The following INPP5A variants were observed in gnomAD, a reference collection of about 807,000 sequenced individuals.
INPP5A encodes 43 kDa inositol polyphosphate 5-phophatase.
Under a neutral mutation model 65.2 loss-of-function variants are expected in INPP5A, and 14 were observed. The observed-to-expected ratio is 0.21, with a 90% confidence interval of 0.14 to 0.34. The LOEUF (loss-of-function observed/expected upper bound fraction) is 0.34, where lower values mean the gene tolerates loss of function less well. INPP5A is among the 10% of genes least tolerant of loss of function. The pLI, the probability that INPP5A is intolerant of heterozygous loss-of-function variation, is 1.00. For synonymous variants in INPP5A, 207 were observed against 208.3 expected (o/e 0.99, Z 0.05); for missense variants, 431 against 545.6 (o/e 0.79, Z 2.09).
chr10:132,756,643 GCAA>G (rs1355487326), intron 11 of INPP5A, among the ~76,000 whole-genome samples: 4 of 152,086 alleles, frequency 2.6e-5, no homozygotes, highest in South Asian at 4.1e-4. Flanking sequence ...GTACTTCAGA[GCAA>G]CAACAAACAA....
At chr10:132,724,793 C>T (rs775358646) in intron 8 of INPP5A, among the ~76,000 whole-genome samples, 1 of 145,986 alleles carries the variant, frequency 6.8e-6, no homozygotes, top group Admixed American at 6.8e-5. Context: ...GGTCACTCTC[C>T]AGAACTCACG....
At chr10:132,701,983 G>C (rs1397880706) in intron 6 of INPP5A, among the ~76,000 whole-genome samples, 1 of 152,238 alleles carries the variant, frequency 6.6e-6, no homozygotes, top group African/African-American at 2.4e-5. Context: ...CCCTCTGTGA[G>C]GACTCTCCCT....
rs1276760203 is a variant in INPP5A at position 132,707,534 on chromosome 10, A to G, written c.475-779A>G. On this transcript the variant is annotated intron_variant, in intron 6 of 15. Transcript: ENST00000368594. This position sits in a 1 kb window ranked among gnomAD's most constrained non-coding sequence, Gnocchi z 5.5. ...TCAGTTCTTCAGTCATACACTTTGC[A>G]CGCTCGGTGGCCCCGGTGGCTGGCC... is the stretch of plus-strand genomic sequence containing the variant. Among the ~76,000 whole-genome samples, 3 of 151,568 alleles carry G rather than the reference A, an allele frequency of 2.0e-5. No homozygotes were observed. The highest frequency in any genetic ancestry group is 4.4e-5 in the Non-Finnish European group (3 of 68,022).
chr10:132,600,954 G>A (rs2071768939), intron 1 of INPP5A, among the ~76,000 whole-genome samples: 1 of 152,186 alleles, frequency 6.6e-6, no homozygotes, highest in Non-Finnish European at 1.5e-5. Flanking sequence ...TACAATTCAA[G>A]TTGAGATTTG....
At chr10:132,624,947 G>A (rs1356997625) in intron 2 of INPP5A, among the ~76,000 whole-genome samples, 4 of 151,494 alleles carry the variant, frequency 2.6e-5, no homozygotes, top group African/African-American at 9.7e-5. Context: ...GTGCTGCCCC[G>A]CCACCCTCAG....
intron 4 of INPP5A, among the ~76,000 whole-genome samples, chr10:132,671,370 C>G (rs1386131624): frequency 1.4e-4 from 21 of 149,690 alleles, no homozygotes; most frequent in Admixed American, 1.4e-3. Flanking sequence ...TCCGCCCTCC[C>G]TGCTTCGGAC....
intron 4 of INPP5A, among the ~76,000 whole-genome samples, chr10:132,658,639 C>T (rs1442824907): frequency 6.6e-6 from 1 of 152,136 alleles, no homozygotes. Flanking sequence ...AGTCCGCCGG[C>T]CCCCCGGGGG....
At chr10:132,771,576 C>T (rs915875177) in intron 12 of INPP5A, among the ~76,000 whole-genome samples, 2 of 152,250 alleles carry the variant, frequency 1.3e-5, no homozygotes, top group Non-Finnish European at 2.9e-5. Flanking sequence ...CCAGAACTGC[C>T]CAAAACTTGG....
rs1035683745 is a variant in INPP5A at position 132,765,899 on chromosome 10, A to C, written c.977+53A>C. On this transcript the variant is annotated intron_variant, in intron 12 of 15. Coordinates refer to ENST00000368594, the MANE Select transcript of INPP5A (RefSeq NM_005539.5). Reference sequence around the variant, plus strand: ...ACCCGGCCGGGAAGGTGGCGTCTCCACCCTCCCAGTCTCTGGTGCATCTGC... The same window carrying C: ...ACCCGGCCGGGAAGGTGGCGTCTCCCCCCTCCCAGTCTCTGGTGCATCTGC... 56 of 1,026,850 alleles carry C rather than the reference A, an allele frequency of 5.5e-5. No individual in the cohort carries two copies. The South Asian group carries it at 6.1e-4, about 11-fold the overall frequency. The allele number at this position is 1,026,850 out of a possible 1,614,324, so 63.6% of individuals were successfully genotyped here.
intron 9 of INPP5A, among the ~76,000 whole-genome samples, chr10:132,739,742 G>A (rs1846240826): frequency 6.6e-6 from 1 of 152,344 alleles, no homozygotes; most frequent in Non-Finnish European, 1.5e-5. Flanking sequence ...GATGACGTGT[G>A]CTGTTTCCAT....
intron 8 of INPP5A, among the ~76,000 whole-genome samples, chr10:132,717,050 C>T (rs1237375393): frequency 6.6e-6 from 1 of 152,238 alleles, no homozygotes; most frequent in Non-Finnish European, 1.5e-5. Context: ...CCCCGCCCAC[C>T]GCAACACAAC....
chr10:132,565,643 ATGTGTATG>A (rs2071263387), intron 1 of INPP5A, among the ~76,000 whole-genome samples: 2 of 151,154 alleles, frequency 1.3e-5, no homozygotes, highest in Admixed American at 6.6e-5. Flanking sequence ...ATGTATGTAT[ATGTGTATG>A]TGTGTATGTG....
intron 3 of INPP5A, among the ~76,000 whole-genome samples, chr10:132,648,435 A>G (rs1006650859): frequency 2.0e-5 from 3 of 152,208 alleles, no homozygotes; most frequent in Non-Finnish European, 4.4e-5. Context: ...CGTGAGAGAA[A>G]CGCCCTTGGT....
intron 4 of INPP5A, among the ~76,000 whole-genome samples, chr10:132,655,050 C>T (rs1018074793): frequency 2.6e-5 from 4 of 152,232 alleles, no homozygotes; most frequent in Non-Finnish European, 5.9e-5. Flanking sequence ...GGACATGCAC[C>T]GACTCCGCCA....
At position 132,707,325 on chromosome 10, in the gene INPP5A, C is replaced by T. The variant is rs1278101215; in HGVS notation, c.475-988C>T. On this transcript the variant is annotated intron_variant, in intron 6 of 15. Transcript: ENST00000368594. The surrounding 1 kb of genome is among the most constrained non-coding windows in gnomAD (Gnocchi z 5.5). ...AATGGGCGGTGCCCTGCCCTGTTGG[C>T]TGCCGTTCCCCCGCCACTGCCTGAA... is the stretch of plus-strand genomic sequence containing the variant. Among the ~76,000 whole-genome samples, 1 of 150,516 alleles carries T rather than the reference C, an allele frequency of 6.6e-6. No homozygotes were observed. Among genetic ancestry groups the T allele is most frequent in the Non-Finnish European group, 1.5e-5 (1 of 67,638 alleles).
At chr10:132,720,070 G>C (rs1227124147) in intron 8 of INPP5A, among the ~76,000 whole-genome samples, 1 of 148,300 alleles carries the variant, frequency 6.7e-6, no homozygotes, top group Non-Finnish European at 1.5e-5. Flanking sequence ...CCTGGGTTCT[G>C]TCTGGGCGCC....
rs1462984301 is a variant in INPP5A at position 132,753,957 on chromosome 10, A to G, written c.903+4112A>G. On this transcript the variant is annotated intron_variant, in intron 11 of 15. Coordinates refer to ENST00000368594, the MANE Select transcript of INPP5A (RefSeq NM_005539.5). The surrounding 1 kb of genome is among the most constrained non-coding windows in gnomAD (Gnocchi z 5.3). The stretch of plus-strand genomic sequence containing the variant: ...TTGTGAAAAATCTCAGAGAGATACA[A>G]ATTATCAATTCAACAGCAACGTGCG... 6.6e-6 allele frequency: 1 copy of G among 152,218 alleles called. No individual in the cohort carries two copies. The highest frequency in any genetic ancestry group is 2.4e-5 in the African/African-American group (1 of 41,440). The allele number at this position is 152,218 out of a possible 1,614,324, so 9.4% of individuals were successfully genotyped here.
intron 14 of INPP5A, 127 bp from the exon 15 acceptor site, chr10:132,781,734 C>T (rs1036954055): frequency 3.9e-6 from 3 of 776,806 alleles, no homozygotes; most frequent in African/African-American, 3.4e-5. Context: ...TGGCCATCAG[C>T]TCCTCCCAGC....
At chr10:132,687,909 C>T (rs1384120675) in intron 4 of INPP5A, among the ~76,000 whole-genome samples, 1 of 152,242 alleles carries the variant, frequency 6.6e-6, no homozygotes, top group African/African-American at 2.4e-5. Flanking sequence ...GCCGGCCTCT[C>T]TTTTTAGGAG....
Sources: gnomAD v4.1 joint callset for allele counts (sites outside exome capture counted in the v4.1 genomes callset) on GRCh38, gnomAD v4.1.1 for gene constraint, Gnocchi (gnomAD v3.1) non-coding constraint, MANE v1.5 for transcripts, NCBI Gene and HGNC (gene_info 2026-07-23, HGNC 2026-07-21) for gene names.